The following SLC22A25 variants were observed in gnomAD, a reference collection of about 807,000 sequenced individuals.
SLC22A25 encodes the protein MGI:2442751, MGI:2385316, MGI:3042283, MGI:3645714, MGI:3605624, MGI:2442750.
SLC22A25 carries 44 observed loss-of-function variants against 45.9 expected under a neutral mutation model. The ratio of observed to expected loss-of-function variants is 0.96; its 90% CI spans 0.75 to 1.23. The LOEUF is 1.23. Among genes scored for constraint, SLC22A25 ranks in the 50% most tolerant of loss-of-function variants. SLC22A25 has a pLI of 0.00. For synonymous variants in SLC22A25, 283 were observed against 238.6 expected, an observed-to-expected ratio of 1.19 and a Z score of -1.72; for missense variants, 800 against 666.4, an observed-to-expected ratio of 1.20 and a Z score of -2.21.
At chr11:63,172,242 C>G (rs2087914168) in intron 9 of SLC22A25, among the ~76,000 whole-genome samples, 1 of 152,262 alleles carries the variant, frequency 6.6e-6, no homozygotes, top group East Asian at 1.9e-4. Context: ...CAGGCAAAGA[C>G]TTCAGGACTA....
At chr11:63,203,933 A>G (rs2089322431) in intron 7 of SLC22A25, among the ~76,000 whole-genome samples, 1 of 152,214 alleles carries the variant, frequency 6.6e-6, no homozygotes, top group Non-Finnish European at 1.5e-5. Context: ...CTACAAAGGG[A>G]AGCCCATCAG....
intron 7 of SLC22A25, among the ~76,000 whole-genome samples, chr11:63,184,382 A>G (rs1291637481): frequency 6.6e-6 from 1 of 152,118 alleles, no homozygotes; most frequent in East Asian, 1.9e-4. Context: ...TGAGCCTGAC[A>G]AGGAGTACAC....
In SLC22A25 at chr11:63,238,723, A is replaced by T. The variant is rs938125156; in HGVS notation, c.-583T>A. 1.0e-5 allele frequency: 2 copies of T among 200,912 alleles called. No individual in the cohort carries two copies. Among genetic ancestry groups the T allele is most frequent in the African/African-American group, 4.6e-5 (2 of 43,044 alleles). The allele number at this position is 200,912 out of a possible 1,614,324, so 12.4% of individuals were successfully genotyped here. On this transcript the variant is annotated 5_prime_UTR_variant, in exon 2 of 12. It removes the in-frame stop codon of an upstream open reading frame in the 5' UTR. Transcript: ENST00000306494. ...GGAAATTGGGGCCTCTTACCCAGTC[A>T]CGATGGTGGAGAGGAAGGAGCTTCT...
intron 9 of SLC22A25, 143 bp downstream of exon 9, chr11:63,180,516 CT>C (rs1265424535): frequency 3.3e-6 from 2 of 602,190 alleles, no homozygotes; most frequent in Non-Finnish European, 5.6e-6. Flanking sequence ...CCTTTTACCA[CT>C]TTTAAAAATA....
At chr11:63,190,476 T>C (rs1047367914) in intron 7 of SLC22A25, among the ~76,000 whole-genome samples, 1 of 152,192 alleles carries the variant, frequency 6.6e-6, no homozygotes, top group Admixed American at 6.5e-5. Context: ...TTTAACTTCT[T>C]TGCCATGAGT....
chr11:63,229,682 G>A lies in SLC22A25; in HGVS notation c.-30C>T. On this transcript the variant is annotated 5_prime_UTR_variant, in exon 4 of 12. Transcript: ENST00000306494. Reference sequence around the variant, plus strand: ...GCTGGACAAGTGATCCCCAAGAGGAGACAAAATGACTGTATCCAGATAAGT... The same window carrying A: ...GCTGGACAAGTGATCCCCAAGAGGAAACAAAATGACTGTATCCAGATAAGT... 1 of 1,579,836 alleles carries A rather than the reference G, an allele frequency of 6.3e-7. No individual in the cohort carries two copies. The highest frequency in any genetic ancestry group is 8.6e-7 in the Non-Finnish European group (1 of 1,156,582).
chr11:63,228,576 G>C lies in SLC22A25; in HGVS notation c.403-12C>G. ...CATACCAGATCCCACTGGAAGAAAA[G>C]GAAACCCTCATATCAATGCTTATAG... On this transcript the variant is annotated splice_polypyrimidine_tract_variant and intron_variant, in intron 4 of 11. Transcript: ENST00000306494. 1.3e-6 allele frequency: 2 copies of C among 1,597,262 alleles called. No homozygotes were observed. Among genetic ancestry groups the C allele is most frequent in the Admixed American group, 3.4e-5 (2 of 59,604 alleles).
chr11:63,220,372 G>A (rs1156392742), intron 5 of SLC22A25, among the ~76,000 whole-genome samples: 1 of 152,170 alleles, frequency 6.6e-6, no homozygotes, highest in Non-Finnish European at 1.5e-5. Flanking sequence ...TCCATGTCGT[G>A]AAACATGTTC....
chr11:63,163,713 G>A lies in SLC22A25; in HGVS notation c.*111C>T. 7.1e-7 allele frequency: 1 copy of A among 1,409,620 alleles called. No homozygotes were observed. The highest frequency in any genetic ancestry group is 9.5e-7 in the Non-Finnish European group (1 of 1,047,306). The allele number at this position is 1,409,620 out of a possible 1,614,324, so 87.3% of individuals were successfully genotyped here. A position where few individuals can be genotyped will look rare whatever the true frequency, so the allele number is the denominator to read the frequency against. On this transcript the variant is annotated 3_prime_UTR_variant, in exon 12 of 12. Transcript: ENST00000306494. ...GGGATGTATGAGGTCACTGTGGAAG[G>A]GATGAGGATACACCAAAGGCAAAGG...
At chr11:63,241,030 C>A (rs551884765) in intron 1 of SLC22A25, among the ~76,000 whole-genome samples, 21 of 152,300 alleles carry the variant, frequency 1.4e-4, no homozygotes, top group African/African-American at 4.3e-4. Context: ...AATGCAGAAA[C>A]AACATTCATG....
intron 9 of SLC22A25, among the ~76,000 whole-genome samples, chr11:63,173,387 T>TA (rs2087963438): frequency 6.6e-6 from 1 of 152,136 alleles, no homozygotes; most frequent in East Asian, 1.9e-4. Context: ...AGTATAATTT[T>TA]AAAAAAGAGG....
rs1402874114 is a variant in SLC22A25, at chr11:63,164,512, A to G, written c.1394+14T>C. The G allele has an allele frequency of 6.2e-7, 1 of 1,607,450 alleles. No homozygotes were observed. Among genetic ancestry groups the G allele is most frequent in the Non-Finnish European group, 8.5e-7 (1 of 1,174,194 alleles). ...CCATTTTGAGAATGACAGAGCACAC[A>G]TAAACTTTTGTACCTGATTATGGAA... On this transcript the variant is annotated intron_variant, in intron 11 of 11. Transcript: ENST00000306494.
At chr11:63,176,173 T>C (rs1054206995) in intron 9 of SLC22A25, among the ~76,000 whole-genome samples, 1 of 152,042 alleles carries the variant, frequency 6.6e-6, no homozygotes, top group African/African-American at 2.4e-5. Flanking sequence ...GCATTGTTCT[T>C]CTTTCTCAAG....
At chr11:63,231,818 A>G (rs1368789290) in intron 3 of SLC22A25, among the ~76,000 whole-genome samples, 2 of 152,218 alleles carry the variant, frequency 1.3e-5, no homozygotes, top group Non-Finnish European at 2.9e-5. Context: ...TGTAAGGTAT[A>G]AGGAAGGGAT....
chr11:63,174,744 A>C (rs2088024426), intron 9 of SLC22A25, among the ~76,000 whole-genome samples: 1 of 152,138 alleles, frequency 6.6e-6, no homozygotes, highest in Non-Finnish European at 1.5e-5. Flanking sequence ...AATGTTGCAC[A>C]GCATCTTGCG....
intron 7 of SLC22A25, among the ~76,000 whole-genome samples, chr11:63,188,622 T>G (rs4337047): frequency 6.6e-6 from 1 of 151,994 alleles, no homozygotes; most frequent in Non-Finnish European, 1.5e-5. Flanking sequence ...TCTCTAGTTC[T>G]TTTAATTGCG....
intron 5 of SLC22A25, among the ~76,000 whole-genome samples, chr11:63,218,542 A>AACAT (rs2089777862): frequency 6.6e-6 from 1 of 152,224 alleles, no homozygotes; most frequent in Non-Finnish European, 1.5e-5. Flanking sequence ...CTCCTGTATT[A>AACAT]ACATACAGTG....
In SLC22A25 at chr11:63,198,717, TA is replaced by T. The variant is rs899182298; in HGVS notation, c.831-14901del. Among the ~76,000 whole-genome samples, 248 of 151,252 alleles carry T rather than the reference TA, an allele frequency of 1.6e-3. 1 individual carries two copies. The highest frequency in any genetic ancestry group is 4.9e-3 in the African/African-American group (202 of 41,254). On this transcript the variant is annotated intron_variant, in intron 7 of 11. Transcript: ENST00000306494. ...ATGTACCCTAGTACTTTAAGTATAA[TA>T]AAAAAAAGAAAAAAGAAATCAAGAC...
chr11:63,158,744 G>A lies in SLC22A25; in HGVS notation c.*5080C>T, dbSNP rs1481852202. On this transcript the variant is annotated 3_prime_UTR_variant, in exon 12 of 12. Transcript: ENST00000306494. ...TGTCCCTCAAGCGTTTATTCTTTGTGATTACAAACAATCCAATTATACTTT... is the reference window on the plus strand; with the variant it reads ...TGTCCCTCAAGCGTTTATTCTTTGTAATTACAAACAATCCAATTATACTTT... 3.3e-5 allele frequency among the ~76,000 whole-genome samples: 5 copies of A among 152,180 alleles called. No individual in the cohort carries two copies. Among genetic ancestry groups the A allele is most frequent in the Admixed American group, 3.3e-4 (5 of 15,284 alleles).
Sources: gnomAD v4.1 joint callset for allele counts (sites outside exome capture counted in the v4.1 genomes callset) on GRCh38, gnomAD v4.1.1 for gene constraint, MANE v1.5 for transcripts, NCBI Gene and HGNC (gene_info 2026-07-23, HGNC 2026-07-21) for gene names.